The following SRRT variants were observed in gnomAD, a reference collection of about 807,000 sequenced individuals.
SRRT encodes serrate RNA effector molecule homolog.
Under a neutral mutation model 103.2 loss-of-function variants are expected in SRRT, and 32 were observed. That is an observed-to-expected ratio of 0.31 (90% CI 0.23 to 0.42). SRRT has a LOEUF of 0.42. Ranked by LOEUF, SRRT falls within the 10% of genes least tolerant of loss-of-function variation. The pLI, the probability that SRRT is intolerant of heterozygous loss-of-function variation, is 1.00. For synonymous variants in SRRT, 525 were observed against 449.0 expected, an observed-to-expected ratio of 1.17 and a Z score of -2.14; for missense variants, 986 against 1,207.5, an observed-to-expected ratio of 0.82 and a Z score of 2.72.
chr7:100,882,073 T>C lies in SRRT; in HGVS notation c.419T>C (p.Ile140Thr). 2 of 1,613,736 alleles carry C rather than the reference T, an allele frequency of 1.2e-6. No homozygotes were observed. The highest frequency in any genetic ancestry group is 2.2e-5 in the South Asian group (2 of 91,062). Residue 140 changes from isoleucine (I) to threonine (T), a missense_variant, in exon 5 of 20, where the codon ATT becomes ACT. Physicochemically the swap from Ile to Thr is moderately conservative, Grantham distance 89. Transcript: ENST00000611405. The surrounding 1 kb of genome is among the most constrained non-coding windows in gnomAD (Gnocchi z 4.2). ...IQARLGSIAE[I>T]DLGVPPPVMK... ...TCCAGGCTGGGCAGCATTGCAGAGA[T>C]TGACCTGGGTGTGCCGCCGCCCGTG...
rs1789906745 is a variant in SRRT at position 100,884,617 on chromosome 7, C to T, written c.942+65C>T. Reference sequence around the variant, plus strand: ...TGGGGGAGGGGGGCGGGTAGGGGTCCATAGGAGCTAGAAGTAGGGGGCTGG... The same window carrying T: ...TGGGGGAGGGGGGCGGGTAGGGGTCTATAGGAGCTAGAAGTAGGGGGCTGG... On this transcript the variant is annotated intron_variant, in intron 7 of 19. Coordinates refer to ENST00000611405, the MANE Select transcript of SRRT (RefSeq NM_015908.6). 2.8e-6 allele frequency: 4 copies of T among 1,443,684 alleles called. No homozygotes were observed. In the Admixed American group the frequency reaches 6.2e-5, roughly 22 times the overall value. The allele number at this position is 1,443,684 out of a possible 1,614,324, so 89.4% of individuals were successfully genotyped here.
At position 100,887,674 on chromosome 7, in the gene SRRT, G is replaced by A; in HGVS notation, c.2170-29G>A. On this transcript the variant is annotated intron_variant, in intron 16 of 19. Transcript: ENST00000611405. This position sits in a 1 kb window ranked among gnomAD's most constrained non-coding sequence, Gnocchi z 4.1. ...GGAGCGAGGCAACCCTTATGTGGCT[G>A]TCCTGACCCCTCTCCTCTCTCCACC... 6.3e-7 allele frequency: 1 copy of A among 1,598,386 alleles called. No individual in the cohort carries two copies. Among genetic ancestry groups the A allele is most frequent in the Non-Finnish European group, 8.6e-7 (1 of 1,167,916 alleles).
Position 100,884,246 on chromosome 7 carries a change from G to A in SRRT, c.757+7G>A, listed in dbSNP as rs756877077. On this transcript the variant is annotated splice_region_variant and intron_variant, in intron 6 of 19. Coordinates refer to ENST00000611405, the MANE Select transcript of SRRT (RefSeq NM_015908.6). ...GTCAAGATGCTGGATGCAGGTGTGC[G>A]GATTTGGAGGGGTGGCAGGCATCTG... 6 of 1,613,996 alleles carry A rather than the reference G, an allele frequency of 3.7e-6. No homozygotes were observed. The highest frequency in any genetic ancestry group is 2.2e-5 in the South Asian group (2 of 91,072).
In SRRT at chr7:100,886,499, T is replaced by C; in HGVS notation, c.1647+64T>C. On this transcript the variant is annotated intron_variant, in intron 13 of 19. Transcript: ENST00000611405. ...GTAGTGCCTCTGCTGTGGGCACCTC[T>C]GACCTTACCTATCTGTAGCCTTGAA... 7 of 1,482,812 alleles carry C rather than the reference T, an allele frequency of 4.7e-6. No individual in the cohort carries two copies. In the South Asian group the frequency reaches 8.9e-5, roughly 19 times the overall value. 91.9% of individuals were successfully genotyped at this position (1,482,812 alleles called of 1,614,324 possible). A position where few individuals can be genotyped will look rare whatever the true frequency, so the allele number is the denominator to read the frequency against.
In SRRT at chr7:100,881,427, G is replaced by C; in HGVS notation, c.251+14G>C. The C allele has an allele frequency of 6.2e-7, 1 of 1,607,296 alleles. No individual in the cohort carries two copies. Among genetic ancestry groups the C allele is most frequent in the Non-Finnish European group, 8.5e-7 (1 of 1,174,612 alleles). On this transcript the variant is annotated intron_variant, in intron 3 of 19. Coordinates refer to ENST00000611405, the MANE Select transcript of SRRT (RefSeq NM_015908.6). ...GAGGAGAGACTGGTGAGATGGAGCG[G>C]TTTCCCTCTCCTCCCCTTTGCCTCA...
chr7:100,879,810 C>CAAAA (rs558063196), intron 2 of SRRT, among the ~76,000 whole-genome samples: 1 of 108,816 alleles, frequency 9.2e-6, no homozygotes, highest in Non-Finnish European at 1.9e-5. Context: ...AGACTGTCTC[C>CAAAA]AAAAAAAAAA....
chr7:100,881,452 A>G (rs776485744), intron 3 of SRRT, 39 bp downstream of exon 3: 2 of 1,601,270 alleles, frequency 1.2e-6, no homozygotes, highest in South Asian at 1.1e-5. Context: ...CCTTTGCCTC[A>G]GTTCCACCTG....
chr7:100,883,958 T>C, intron 5 of SRRT, 112 bp from the exon 6 acceptor site: 1 of 1,209,942 alleles, frequency 8.3e-7, no homozygotes, highest in South Asian at 1.6e-5. Flanking sequence ...GATGACCTTT[T>C]GTGGTTGTGA....
intron 2 of SRRT, among the ~76,000 whole-genome samples, chr7:100,879,244 C>G (rs762054646): frequency 4.6e-5 from 7 of 152,104 alleles, no homozygotes; most frequent in African/African-American, 1.7e-4. Context: ...GCATGAGCTA[C>G]CACTTCCAGC....
At position 100,884,821 on chromosome 7, in the gene SRRT, G is replaced by T. The variant is rs979617228; in HGVS notation, c.1024G>T (p.Glu342Ter). ...GDKEEKKEDS[E>*]KEAKKSSKKR... ...CAAGGAAGAGAAGAAAGAAGACTCC[G>T]AGAAGGAAGCCAAAAAGGTGAGGTG... The change falls in exon 8 of 20, where the codon GAG becomes TAG. Residue 342 changes from glutamate to a stop codon, truncating the protein, a stop_gained. Coordinates refer to ENST00000611405, the MANE Select transcript of SRRT (RefSeq NM_015908.6). LOFTEE classifies it high-confidence loss of function. The T allele has an allele frequency of 1.2e-6, 2 of 1,613,968 alleles. No homozygotes were observed. The highest frequency in any genetic ancestry group is 1.7e-6 in the Non-Finnish European group (2 of 1,180,004).
In SRRT at chr7:100,886,404, C is replaced by T. The variant is rs1351977918; in HGVS notation, c.1616C>T (p.Ala539Val). The T allele has an allele frequency of 8.1e-6, 13 of 1,613,162 alleles. No individual in the cohort carries two copies. Among genetic ancestry groups the T allele is most frequent in the Non-Finnish European group, 9.3e-6 (11 of 1,179,938 alleles). The change falls in exon 13 of 20, where the codon GCC becomes GTC. Residue 539 changes from alanine to valine, a missense_variant. This residue lies in a region of SRRT where 349 missense variants were observed against 446.9 expected (regional missense o/e 0.78). Transcript: ENST00000611405. Reference sequence around the variant, plus strand: ...CTGGATGACAGGACACAGCTTTGGGCCTCAGAACCAGGGACGCCTCCCCTG... The same window carrying T: ...CTGGATGACAGGACACAGCTTTGGGTCTCAGAACCAGGGACGCCTCCCCTG... ...HTLDDRTQLW[A>V]SEPGTPPLPT...
chr7:100,887,305 G>C lies in SRRT; in HGVS notation c.1976-15G>C. The stretch of plus-strand genomic sequence containing the variant: ...CTCCCTTGCCAACCTTCCTTCCTCT[G>C]TTCCCAAACCACAGTGCTGGAGTGG... On this transcript the variant is annotated splice_polypyrimidine_tract_variant and intron_variant, in intron 15 of 19. Transcript: ENST00000611405. The surrounding 1 kb of genome is among the most constrained non-coding windows in gnomAD (Gnocchi z 4.1). 6.2e-7 allele frequency: 1 copy of C among 1,612,150 alleles called. No homozygotes were observed. Among genetic ancestry groups the C allele is most frequent in the Non-Finnish European group, 8.5e-7 (1 of 1,178,562 alleles).
In SRRT at chr7:100,875,288, G is replaced by T; in HGVS notation, c.-59G>T. On this transcript the variant is annotated 5_prime_UTR_variant, in exon 1 of 20. Coordinates refer to ENST00000611405, the MANE Select transcript of SRRT (RefSeq NM_015908.6). ...GCGACCCAGGTCGCCCTGAAATCTAGCCCGTCCGAGCGCGAGTCCAACGGC... is the reference window on the plus strand; with the variant it reads ...GCGACCCAGGTCGCCCTGAAATCTATCCCGTCCGAGCGCGAGTCCAACGGC... The T allele has an allele frequency of 4.4e-6, 4 of 906,122 alleles. No homozygotes were observed. Among genetic ancestry groups the T allele is most frequent in the Non-Finnish European group, 5.8e-6 (4 of 692,690 alleles). The allele number at this position is 906,122 out of a possible 1,614,324, so 56.1% of individuals were successfully genotyped here.
At position 100,881,390 on chromosome 7, in the gene SRRT, A is replaced by G; in HGVS notation, c.228A>G (p.Pro76=). ...FSPPRHELSP[P]QKRMRRDWDE... The stretch of plus-strand genomic sequence containing the variant: ...CACCTCGCCACGAACTCAGCCCGCC[A>G]CAGAAGCGCATGAGGAGAGACTGGT... The change falls in exon 3 of 20, where the codon CCA becomes CCG. Residue 76 remains proline, a synonymous_variant. Coordinates refer to ENST00000611405, the MANE Select transcript of SRRT (RefSeq NM_015908.6). 1.9e-6 allele frequency: 3 copies of G among 1,613,686 alleles called. No individual in the cohort carries two copies. The highest frequency in any genetic ancestry group is 2.2e-5 in the East Asian group (1 of 44,862).
rs753362499 is a variant in SRRT, at chr7:100,881,296, G to A, written c.134G>A (p.Arg45His). The change falls in exon 3 of 20, where the codon CGT becomes CAT. Residue 45 changes from arginine (R) to histidine (H), a missense_variant. Arg to His is a conservative substitution (Grantham distance 29). Coordinates refer to ENST00000611405, the MANE Select transcript of SRRT (RefSeq NM_015908.6). ...GDDWNDREWD[R>H]GRERRSRGEY... ...GTTCTTACTGCCAGAGAGTGGGACCGTGGCCGTGAGCGCCGTAGTCGGGGT... is the reference window on the plus strand; with the variant it reads ...GTTCTTACTGCCAGAGAGTGGGACCATGGCCGTGAGCGCCGTAGTCGGGGT... The A allele has an allele frequency of 1.9e-6, 3 of 1,611,560 alleles. No individual in the cohort carries two copies. The highest frequency in any genetic ancestry group is 1.1e-5 in the South Asian group (1 of 91,048).
At position 100,887,215 on chromosome 7, in the gene SRRT, C is replaced by T; in HGVS notation, c.1975+15C>T. The T allele has an allele frequency of 6.2e-7, 1 of 1,613,964 alleles. No individual in the cohort carries two copies. The highest frequency in any genetic ancestry group is 8.5e-7 in the Non-Finnish European group (1 of 1,179,900). On this transcript the variant is annotated intron_variant, in intron 15 of 19. Transcript: ENST00000611405. This position sits in a 1 kb window ranked among gnomAD's most constrained non-coding sequence, Gnocchi z 4.1. ...TCACGGGGAAGGTGAGCTCCAGGTT[C>T]CCCTTTGTTCCCGGCTGCCCCTGGC...
chr7:100,886,664 C>T lies in SRRT; in HGVS notation c.1648-131C>T, dbSNP rs879093365. 1.2e-5 allele frequency: 13 copies of T among 1,123,792 alleles called. No individual in the cohort carries two copies. In the South Asian group the frequency reaches 1.7e-4, roughly 14 times the overall value. 69.6% of individuals were successfully genotyped at this position (1,123,792 alleles called of 1,614,324 possible). Reference sequence around the variant, plus strand: ...CAAAAGCTAAAATAAAGACAAATCTCAAGGGGGCAAAAGGTGCCATTTATG... The same window carrying T: ...CAAAAGCTAAAATAAAGACAAATCTTAAGGGGGCAAAAGGTGCCATTTATG... On this transcript the variant is annotated intron_variant, in intron 13 of 19. Transcript: ENST00000611405.
chr7:100,882,341 AACTTT>A lies in SRRT; in HGVS notation c.587+101_587+105del. 7.2e-7 allele frequency: 1 copy of A among 1,381,118 alleles called. No homozygotes were observed. The highest frequency in any genetic ancestry group is 9.8e-7 in the Non-Finnish European group (1 of 1,015,724). 85.6% of individuals were successfully genotyped at this position (1,381,118 alleles called of 1,614,324 possible). ...CCTCTTCCCAGTTTTCCCTGTCCAGAACTTTCTGGGGGCGGGGGTCGGGAAGTATG... is the reference window on the plus strand; with the variant it reads ...CCTCTTCCCAGTTTTCCCTGTCCAGACTGGGGGCGGGGGTCGGGAAGTATG... On this transcript the variant is annotated intron_variant, in intron 5 of 19. Coordinates refer to ENST00000611405, the MANE Select transcript of SRRT (RefSeq NM_015908.6). The surrounding 1 kb of genome is among the most constrained non-coding windows in gnomAD (Gnocchi z 4.2).
chr7:100,887,615 G>T lies in SRRT; in HGVS notation c.2170-88G>T. ...GGGGGAACTGCTTACTGCACTGGCA[G>T]GCGGGAGCTGGGAATCCTTCCAGCT... On this transcript the variant is annotated intron_variant, in intron 16 of 19. Coordinates refer to ENST00000611405, the MANE Select transcript of SRRT (RefSeq NM_015908.6). This position sits in a 1 kb window ranked among gnomAD's most constrained non-coding sequence, Gnocchi z 4.1. 1 of 1,576,116 alleles carries T rather than the reference G, an allele frequency of 6.3e-7. No individual in the cohort carries two copies. Among genetic ancestry groups the T allele is most frequent in the South Asian group, 1.2e-5 (1 of 85,244 alleles).
Sources: allele counts gnomAD v4.1 joint callset (sites outside exome capture counted in the v4.1 genomes callset), GRCh38; gene constraint gnomAD v4.1.1; regional missense constraint gnomAD v4.1.1; non-coding constraint Gnocchi (gnomAD v3.1); transcripts MANE v1.5; gene names NCBI Gene and HGNC (gene_info 2026-07-23, HGNC 2026-07-21).